Variants in CENPC observed in about 807,000 individuals in gnomAD.
CENPC encodes the protein CENP-C 1.
In CENPC, 63 loss-of-function variants were observed where a neutral mutation model predicts 112.1. That is an observed-to-expected ratio of 0.56 (90% CI 0.46 to 0.69). CENPC has a LOEUF of 0.69. Among genes scored for constraint, CENPC ranks in the 30% least tolerant of loss-of-function variants. CENPC has a pLI of 0.00. For synonymous variants in CENPC, 333 were observed against 367.6 expected (o/e 0.91, Z 1.08); for missense variants, 1,000 against 1,103.8 (o/e 0.91, Z 1.33).
chr4:67,479,802 A>C (rs1230841578), intron 17 of CENPC, among the ~76,000 whole-genome samples: 2 of 152,212 alleles, frequency 1.3e-5, no homozygotes, highest in African/African-American at 2.4e-5. Flanking sequence ...AAATAAACTG[A>C]ATTAGAAACA....
At chr4:67,535,741 A>G (rs1323138688) in intron 4 of CENPC, among the ~76,000 whole-genome samples, 5 of 152,160 alleles carry the variant, frequency 3.3e-5, no homozygotes, top group Non-Finnish European at 7.4e-5. Flanking sequence ...ATGGAAGTTT[A>G]TGTGTTGTGG....
chr4:67,524,306 A>C (rs913019161), intron 5 of CENPC, among the ~76,000 whole-genome samples: 2 of 152,128 alleles, frequency 1.3e-5, no homozygotes, highest in African/African-American at 4.8e-5. Flanking sequence ...TATTCAACAC[A>C]GTATTGGAAG....
chr4:67,507,762 T>C (rs540654838), intron 10 of CENPC, among the ~76,000 whole-genome samples: 20 of 152,190 alleles, frequency 1.3e-4, no homozygotes, highest in African/African-American at 4.8e-4. Context: ...ATTACCCTGA[T>C]ACCAAAACTA....
intron 16 of CENPC, among the ~76,000 whole-genome samples, chr4:67,491,476 TATATAGAGAGAGAGAGAGAG>T (rs1375550371): frequency 2.1e-4 from 6 of 28,592 alleles, no homozygotes; most frequent in African/African-American, 3.1e-4. Context: ...TATATATATA[TATATAGAGAGAGAGAGAGAG>T]AGAGAGAGAG....
Position 67,474,870 on chromosome 4 carries a change from T to C in CENPC, c.2761+18A>G, listed in dbSNP as rs771183601. 1 of 1,423,660 alleles carries C rather than the reference T, an allele frequency of 7.0e-7. No individual in the cohort carries two copies. Among genetic ancestry groups the C allele is most frequent in the Non-Finnish European group, 9.7e-7 (1 of 1,027,372 alleles). The allele number at this position is 1,423,660 out of a possible 1,614,324, so 88.2% of individuals were successfully genotyped here. A position where few individuals can be genotyped will look rare whatever the true frequency, so the allele number is the denominator to read the frequency against. ...AACAACTATATACATGTTGTCTAAG[T>C]GAAATAAATTGTCTTACCTGAAGGA... On this transcript the variant is annotated intron_variant, in intron 18 of 18. Coordinates refer to ENST00000273853, the MANE Select transcript of CENPC (RefSeq NM_001812.4).
intron 2 of CENPC, among the ~76,000 whole-genome samples, chr4:67,542,259 T>C (rs537809817): frequency 6.6e-6 from 1 of 152,236 alleles, no homozygotes; most frequent in East Asian, 1.9e-4. Flanking sequence ...CCACAGACAG[T>C]ATGTAAACAA....
Position 67,545,363 on chromosome 4 carries a change from C to T in CENPC, c.-8G>A. On this transcript the variant is annotated 5_prime_UTR_variant, in exon 1 of 19. Transcript: ENST00000273853. ...CAGACCGGACGCAGCCATGTTCCGG[C>T]CCCGCTGAGCCAGCGCAACTGTCTG... 6.6e-7 allele frequency: 1 copy of T among 1,524,410 alleles called. No homozygotes were observed. The highest frequency in any genetic ancestry group is 1.2e-5 in the South Asian group (1 of 81,938). The allele number at this position is 1,524,410 out of a possible 1,614,324, so 94.4% of individuals were successfully genotyped here.
At chr4:67,488,092 A>G (rs1725139948) in intron 17 of CENPC, among the ~76,000 whole-genome samples, 1 of 151,812 alleles carries the variant, frequency 6.6e-6, no homozygotes, top group Non-Finnish European at 1.5e-5. Flanking sequence ...TAAAACATGT[A>G]TTCTCTTCAA....
chr4:67,523,377 C>G (rs1726285891), intron 5 of CENPC, among the ~76,000 whole-genome samples: 1 of 152,146 alleles, frequency 6.6e-6, no homozygotes, highest in Non-Finnish European at 1.5e-5. Flanking sequence ...AAGCACTATT[C>G]TCTAGTTGAT....
chr4:67,490,370 AAAT>A (rs1466771162), intron 16 of CENPC, among the ~76,000 whole-genome samples: 2 of 152,132 alleles, frequency 1.3e-5, no homozygotes, highest in African/African-American at 2.4e-5. Flanking sequence ...CGATAAAATT[AAAT>A]AATAATAAGT....
intron 9 of CENPC, 79 bp from the exon 10 acceptor site, chr4:67,509,184 ATT>A: frequency 3.4e-6 from 3 of 875,172 alleles, no homozygotes; most frequent in Non-Finnish European, 5.2e-6. Context: ...CAGCATTTAT[ATT>A]TGCATATAAA....
At chr4:67,472,784 A>T in intron 18 of CENPC, 109 bp from the exon 19 acceptor site, 1 of 1,183,080 alleles carries the variant, frequency 8.5e-7, no homozygotes, top group African/African-American at 1.6e-5. Context: ...CAAGATAAAA[A>T]CAATTCACCT....
At chr4:67,490,837 A>ATATATATAT (rs1725229383) in intron 16 of CENPC, among the ~76,000 whole-genome samples, 3 of 57,084 alleles carry the variant, frequency 5.3e-5, no homozygotes, top group South Asian at 1.6e-3. Flanking sequence ...TATAGAAATA[A>ATATATATAT]ATATATATAT....
intron 12 of CENPC, among the ~76,000 whole-genome samples, chr4:67,503,817 TAAATA>T (rs1725660261): frequency 6.6e-6 from 1 of 151,494 alleles, no homozygotes; most frequent in Admixed American, 6.6e-5. Context: ...ATTCAAACAA[TAAATA>T]AAATAGACTA....
At chr4:67,480,489 A>C (rs1414176365) in intron 17 of CENPC, among the ~76,000 whole-genome samples, 1 of 152,172 alleles carries the variant, frequency 6.6e-6, no homozygotes, top group Non-Finnish European at 1.5e-5. Flanking sequence ...GACCAATAAT[A>C]AGCAGCAAGA....
At chr4:67,491,513 A>AGAGAGAGAGG (rs1560423371) in intron 16 of CENPC, among the ~76,000 whole-genome samples, 13 of 141,188 alleles carry the variant, frequency 9.2e-5, no homozygotes, top group African/African-American at 3.4e-4. Context: ...AGAGAGAGAG[A>AGAGAGAGAGG]GAGAGAGAGA....
intron 17 of CENPC, among the ~76,000 whole-genome samples, chr4:67,484,621 A>G (rs1725041678): frequency 2.0e-5 from 3 of 152,184 alleles, no homozygotes; most frequent in Admixed American, 2.0e-4. Context: ...CACTGCCACC[A>G]CCAATTTTTG....
At chr4:67,481,182 C>T (rs917115577) in intron 17 of CENPC, among the ~76,000 whole-genome samples, 6 of 152,188 alleles carry the variant, frequency 3.9e-5, no homozygotes, top group African/African-American at 1.4e-4. Flanking sequence ...AAGAACTCAA[C>T]TCCTTTTACA....
chr4:67,544,895 T>C (rs13135430), intron 1 of CENPC, among the ~76,000 whole-genome samples: 32,914 of 152,018 alleles, frequency 0.22, 3,603 homozygotes, highest in South Asian at 0.27. Flanking sequence ...CTACCAAGTG[T>C]GACGCAAAGA....
Sources: allele counts gnomAD v4.1 joint callset (sites outside exome capture counted in the v4.1 genomes callset), GRCh38; gene constraint gnomAD v4.1.1; transcripts MANE v1.5; gene names NCBI Gene and HGNC (gene_info 2026-07-23, HGNC 2026-07-21).